Variants in MICU1 observed in about 807,000 individuals in gnomAD.
MICU1 encodes the protein calcium uptake protein 1, mitochondrial.
In MICU1, 45 loss-of-function variants were observed where a neutral mutation model predicts 56.8. The observed-to-expected ratio is 0.79, with a 90% confidence interval of 0.62 to 1.02. The LOEUF is 1.02. MICU1 is among the 50% of genes least tolerant of loss of function. MICU1 has a pLI of 0.00. For missense variants in MICU1, 504 were observed against 587.1 expected (o/e 0.86, Z 1.46); for synonymous variants, 186 against 195.1 (o/e 0.95, Z 0.39).
Position 72,458,763 on chromosome 10 carries a change from C to G in MICU1, c.933+16337G>C, listed in dbSNP as rs1037113522. ...CTCACTCTGTTGCCCAGGCTGGAGT[C>G]CAGTGTCACGATCACGGCTCACTGC... is the stretch of plus-strand genomic sequence containing the variant. On this transcript the variant is annotated intron_variant, in intron 8 of 11. Coordinates refer to ENST00000361114, the MANE Select transcript of MICU1 (RefSeq NM_001195518.2). Among the ~76,000 whole-genome samples, 5 of 150,740 alleles carry G rather than the reference C, an allele frequency of 3.3e-5. No individual in the cohort carries two copies. In the South Asian group the frequency reaches 6.3e-4, roughly 19 times the overall value.
At chr10:72,569,295 C>A (rs1269336248) in intron 1 of MICU1, among the ~76,000 whole-genome samples, 1 of 122,412 alleles carries the variant, frequency 8.2e-6, no homozygotes, top group African/African-American at 3.1e-5. Context: ...AGTGTGGTGG[C>A]ATGATCTCAG....
At chr10:72,601,448 AG>A (rs1841531337) in intron 1 of MICU1, among the ~76,000 whole-genome samples, 3 of 149,562 alleles carry the variant, frequency 2.0e-5, no homozygotes, top group Non-Finnish European at 4.5e-5. Flanking sequence ...AAAAAAAAAA[AG>A]GAAAGAAAAG....
intron 9 of MICU1, among the ~76,000 whole-genome samples, chr10:72,408,940 A>T (rs75206186): frequency 6.6e-6 from 1 of 151,528 alleles, no homozygotes; most frequent in Non-Finnish European, 1.5e-5. Context: ...GTGAATGAAG[A>T]TTTTTTTTTC....
At chr10:72,524,971 T>C (rs2065810) in intron 5 of MICU1, among the ~76,000 whole-genome samples, 68,274 of 151,694 alleles carry the variant, frequency 0.45, 19,803 homozygotes, top group Non-Finnish European at 0.67. Context: ...TGTTTCTATA[T>C]ATAATATTTT....
intron 8 of MICU1, among the ~76,000 whole-genome samples, chr10:72,430,445 C>T (rs1411424899): frequency 1.3e-5 from 2 of 152,094 alleles, no homozygotes; most frequent in African/African-American, 2.4e-5. Flanking sequence ...ATACATATAA[C>T]AGACAAGTTA....
chr10:72,527,832 T>C (rs554227230), intron 5 of MICU1, among the ~76,000 whole-genome samples: 51 of 152,318 alleles, frequency 3.3e-4, no homozygotes, highest in African/African-American at 1.2e-3. Flanking sequence ...AATTTCACTT[T>C]TCTTTTCTTT....
intron 1 of MICU1, among the ~76,000 whole-genome samples, chr10:72,585,619 A>G (rs1841028015): frequency 6.6e-6 from 1 of 151,714 alleles, no homozygotes; most frequent in African/African-American, 2.4e-5. Context: ...CACTTGAACC[A>G]GTGCACTCCA....
At chr10:72,610,193 T>A (rs1406819459) in intron 1 of MICU1, among the ~76,000 whole-genome samples, 1 of 145,792 alleles carries the variant, frequency 6.9e-6, no homozygotes, top group Non-Finnish European at 1.5e-5. Flanking sequence ...TCCAGGAGTT[T>A]GAGGCTACAG....
At chr10:72,612,639 C>A (rs1057107455) in intron 1 of MICU1, among the ~76,000 whole-genome samples, 3 of 152,070 alleles carry the variant, frequency 2.0e-5, no homozygotes, top group Admixed American at 2.0e-4. Flanking sequence ...TCACAAAAAA[C>A]AATTTTAAAA....
At chr10:72,448,099 AC>A (rs1865161829) in intron 8 of MICU1, among the ~76,000 whole-genome samples, 1 of 143,494 alleles carries the variant, frequency 7.0e-6, no homozygotes, top group African/African-American at 2.6e-5. Context: ...CACATTGGGC[AC>A]CATGGAAAAA....
chr10:72,586,901 C>A (rs551061381), intron 1 of MICU1, among the ~76,000 whole-genome samples: 1 of 152,184 alleles, frequency 6.6e-6, no homozygotes, highest in Admixed American at 6.5e-5. Flanking sequence ...AATGCAAAAA[C>A]CATAAGGGGA....
At chr10:72,545,436 G>A (rs1839872512) in intron 4 of MICU1, among the ~76,000 whole-genome samples, 1 of 152,232 alleles carries the variant, frequency 6.6e-6, no homozygotes, top group Admixed American at 6.5e-5. Context: ...GTTAACACAT[G>A]TAAGGTATAC....
At chr10:72,532,337 A>G (rs1289531089) in intron 5 of MICU1, among the ~76,000 whole-genome samples, 1 of 152,060 alleles carries the variant, frequency 6.6e-6, no homozygotes, top group Non-Finnish European at 1.5e-5. Flanking sequence ...AAAGTTATTT[A>G]TTAAAATGAA....
intron 10 of MICU1, among the ~76,000 whole-genome samples, chr10:72,400,548 C>G (rs942506527): frequency 5.9e-5 from 9 of 152,004 alleles, no homozygotes; most frequent in African/African-American, 2.2e-4. Flanking sequence ...GAATTTGAGA[C>G]TAGCCTGGCC....
intron 10 of MICU1, among the ~76,000 whole-genome samples, chr10:72,405,339 C>G (rs1474454299): frequency 6.6e-6 from 1 of 152,112 alleles, no homozygotes; most frequent in Non-Finnish European, 1.5e-5. Flanking sequence ...CCTGCCTCAG[C>G]CTCCTGAGTA....
At chr10:72,518,758 T>C (rs897512263) in intron 5 of MICU1, among the ~76,000 whole-genome samples, 10 of 152,220 alleles carry the variant, frequency 6.6e-5, no homozygotes, top group African/African-American at 2.2e-4. Flanking sequence ...TCTCGGCTCA[T>C]GGCAAACTGC....
At chr10:72,411,472 C>T (rs1388058897) in intron 9 of MICU1, among the ~76,000 whole-genome samples, 4 of 151,956 alleles carry the variant, frequency 2.6e-5, no homozygotes, top group Admixed American at 6.6e-5. Flanking sequence ...GGACTACAGG[C>T]GCCCACCACT....
At chr10:72,412,857 A>G (rs1159215469) in intron 9 of MICU1, among the ~76,000 whole-genome samples, 2 of 150,186 alleles carry the variant, frequency 1.3e-5, no homozygotes, top group African/African-American at 4.9e-5. Context: ...GTCTCCAGAA[A>G]AAAAAAAAAA....
At position 72,388,959 on chromosome 10, in the gene MICU1, A is replaced by G. The variant is rs73279023; in HGVS notation, c.1181-13087T>C. ...GCTTCATTTGATATTTTCCTCATCCATAAAGTGAAGATGAATGAGGATAAT... is the reference window on the plus strand; with the variant it reads ...GCTTCATTTGATATTTTCCTCATCCGTAAAGTGAAGATGAATGAGGATAAT... On this transcript the variant is annotated intron_variant, in intron 10 of 11. Transcript: ENST00000361114. Among the ~76,000 whole-genome samples the G allele has an allele frequency of 1.5e-3, 235 of 152,378 alleles. 1 individual carries two copies. Among genetic ancestry groups the G allele is most frequent in the African/African-American group, 5.1e-3 (212 of 41,590 alleles).
Sources: gnomAD v4.1 joint callset for allele counts (sites outside exome capture counted in the v4.1 genomes callset) on GRCh38, gnomAD v4.1.1 for gene constraint, MANE v1.5 for transcripts, NCBI Gene and HGNC (gene_info 2026-07-23, HGNC 2026-07-21) for gene names.